Variants in KCNK6 observed in about 807,000 individuals in gnomAD.
KCNK6 encodes potassium channel subfamily K member 6.
A neutral mutation model predicts 21.9 loss-of-function variants in KCNK6; 20 were observed. That is an observed-to-expected ratio of 0.91 (90% CI 0.64 to 1.32). The LOEUF (loss-of-function observed/expected upper bound fraction) is 1.32. Among genes scored for constraint, KCNK6 ranks in the 40% most tolerant of loss-of-function variants. The pLI, the probability that KCNK6 is intolerant of heterozygous loss-of-function variation, is 0.00. For missense variants in KCNK6, 415 were observed against 433.1 expected, an observed-to-expected ratio of 0.96 and a Z score of 0.37; for synonymous variants, 210 against 218.0, an observed-to-expected ratio of 0.96 and a Z score of 0.32.
At chr19:38,326,117 C>T (rs1969704115) in intron 1 of KCNK6, among the ~76,000 whole-genome samples, 1 of 152,200 alleles carries the variant, frequency 6.6e-6, no homozygotes, top group South Asian at 2.1e-4. Context: ...GAAGGCAAGG[C>T]TCTTGGCCTG....
Position 38,327,473 on chromosome 19 carries a change from C to G in KCNK6, c.*70C>G. ...GAGGGGTCCAGGCGACCAGAGCTGGCTGTACAGGAATGTCCACGAGCACAG... is the reference window on the plus strand; with the variant it reads ...GAGGGGTCCAGGCGACCAGAGCTGGGTGTACAGGAATGTCCACGAGCACAG... On this transcript the variant is annotated 3_prime_UTR_variant, in exon 3 of 3. Coordinates refer to ENST00000263372, the MANE Select transcript of KCNK6 (RefSeq NM_004823.3). The G allele has an allele frequency of 7.0e-7, 1 of 1,433,078 alleles. No individual in the cohort carries two copies. Among genetic ancestry groups the G allele is most frequent in the African/African-American group, 1.4e-5 (1 of 71,656 alleles). The allele number at this position is 1,433,078 out of a possible 1,614,324, so 88.8% of individuals were successfully genotyped here. A position where few individuals can be genotyped will look rare whatever the true frequency, so the allele number is the denominator to read the frequency against.
At chr19:38,320,748 GGA>G (rs1341243666) in intron 1 of KCNK6, among the ~76,000 whole-genome samples, 2 of 151,966 alleles carry the variant, frequency 1.3e-5, no homozygotes, top group East Asian at 3.9e-4. Flanking sequence ...CAGTGGAGAC[GGA>G]GTTTCACCAT....
intron 1 of KCNK6, among the ~76,000 whole-genome samples, chr19:38,321,909 G>C (rs1394253215): frequency 6.6e-6 from 1 of 152,232 alleles, no homozygotes; most frequent in African/African-American, 2.4e-5. Context: ...GCACAGCCTG[G>C]CTACATCCCT....
intron 1 of KCNK6, among the ~76,000 whole-genome samples, chr19:38,323,255 C>G (rs1304024396): frequency 6.6e-6 from 1 of 152,206 alleles, no homozygotes; most frequent in Non-Finnish European, 1.5e-5. Flanking sequence ...GAGTCTTTGT[C>G]CGTGCGAAGC....
intron 1 of KCNK6, among the ~76,000 whole-genome samples, chr19:38,326,146 T>G (rs1488255974): frequency 6.6e-6 from 1 of 152,040 alleles, no homozygotes; most frequent in African/African-American, 2.4e-5. Flanking sequence ...AGGACAGAGG[T>G]GCCATCACCT....
chr19:38,322,307 T>C (rs1482300543), intron 1 of KCNK6, among the ~76,000 whole-genome samples: 3 of 152,192 alleles, frequency 2.0e-5, no homozygotes, highest in Admixed American at 1.3e-4. Context: ...TGGAAAGTTA[T>C]TGTGGTAGAG....
At position 38,326,656 on chromosome 19, in the gene KCNK6, T is replaced by C; in HGVS notation, c.386T>C (p.Leu129Pro). 11 of 1,609,572 alleles carry C rather than the reference T, an allele frequency of 6.8e-6. No homozygotes were observed. Among genetic ancestry groups the C allele is most frequent in the Non-Finnish European group, 9.3e-6 (11 of 1,179,968 alleles). Residue 129 changes from leucine to proline, a missense_variant, in exon 2 of 3, where the codon CTG becomes CCG. Coordinates refer to ENST00000263372, the MANE Select transcript of KCNK6 (RefSeq NM_004823.3). ...GCCTTCTCCATCGCCTTTGCGCTCCTGGGCGTGCCGACCACCATGCTGCTG... is the reference window on the plus strand; with the variant it reads ...GCCTTCTCCATCGCCTTTGCGCTCCCGGGCGTGCCGACCACCATGCTGCTG... The part of the protein sequence containing the change: ...GKAFSIAFAL[L>P]GVPTTMLLLT...
At position 38,326,668 on chromosome 19, in the gene KCNK6, C is replaced by T; in HGVS notation, c.398C>T (p.Thr133Ile). 6.2e-7 allele frequency: 1 copy of T among 1,608,516 alleles called. No individual in the cohort carries two copies. The highest frequency in any genetic ancestry group is 8.5e-7 in the Non-Finnish European group (1 of 1,179,986). The change falls in exon 2 of 3, where the codon ACC (threonine) becomes ATC (isoleucine). Residue 133 changes from threonine to isoleucine, a missense_variant. Physicochemically the swap from Thr to Ile is moderately conservative, Grantham distance 89. Coordinates refer to ENST00000263372, the MANE Select transcript of KCNK6 (RefSeq NM_004823.3). ...SIAFALLGVP[T>I]TMLLLTASAQ... ...GCCTTTGCGCTCCTGGGCGTGCCGA[C>T]CACCATGCTGCTGCTGACCGCCTCA...
intron 1 of KCNK6, chr19:38,325,221 A>G (rs1969695748): frequency 6.2e-6 from 1 of 162,288 alleles, no homozygotes; most frequent in Non-Finnish European, 1.3e-5. Flanking sequence ...GGTTCAAGTG[A>G]TTCTTCTGCC....
chr19:38,320,105 C>G lies in KCNK6; in HGVS notation c.155C>G (p.Pro52Arg). The change falls in exon 1 of 3, where the codon CCG becomes CGG. Residue 52 changes from proline to arginine, a missense_variant. Coordinates refer to ENST00000263372, the MANE Select transcript of KCNK6 (RefSeq NM_004823.3). Reference sequence around the variant, plus strand: ...CGGGCGCAGCTGCTTCAGCGCAGCCCGTGTGTGGCTGCCCCCGCCCTGGAC... The same window carrying G: ...CGGGCGCAGCTGCTTCAGCGCAGCCGGTGTGTGGCTGCCCCCGCCCTGGAC... ...TLRAQLLQRSPCVAAPALDAF... is the reference protein window; with the variant it reads ...TLRAQLLQRSRCVAAPALDAF... The G allele has an allele frequency of 6.4e-7, 1 of 1,568,026 alleles. No homozygotes were observed. Among genetic ancestry groups the G allele is most frequent in the South Asian group, 1.1e-5 (1 of 87,912 alleles).
chr19:38,324,731 G>C (rs1969688681), intron 1 of KCNK6, among the ~76,000 whole-genome samples: 1 of 152,064 alleles, frequency 6.6e-6, no homozygotes, highest in Admixed American at 6.6e-5. Context: ...AAAACCCAGG[G>C]GGAGCCTTTT....
intron 1 of KCNK6, among the ~76,000 whole-genome samples, chr19:38,322,973 C>G (rs1162333390): frequency 6.6e-6 from 1 of 151,838 alleles, no homozygotes; most frequent in Non-Finnish European, 1.5e-5. Context: ...ATTAGCCAGG[C>G]ATGATAGTGC....
At position 38,320,170 on chromosome 19, in the gene KCNK6, C is replaced by G; in HGVS notation, c.220C>G (p.Arg74Gly). ...ERVLAAGRLG[R>G]VVLANASGSA... ...AGTGCTGGCGGCCGGACGGCTGGGG[C>G]GGGTCGTGCTTGCTAACGCTTCGGG... Residue 74 changes from arginine to glycine, a missense_variant, in exon 1 of 3, where the codon CGG (arginine) becomes GGG (glycine). Arg to Gly is a moderately radical substitution (Grantham distance 125). Transcript: ENST00000263372. 1 of 1,598,384 alleles carries G rather than the reference C, an allele frequency of 6.3e-7. No individual in the cohort carries two copies. Among genetic ancestry groups the G allele is most frequent in the Non-Finnish European group, 8.5e-7 (1 of 1,178,760 alleles).
rs1394543993 is a variant in KCNK6 at position 38,331,448 on chromosome 19, A to AC, written c.*4048dup. ...AGACCATCCTGGCTAACACAGTGAA[A>AC]CCCGTCTCTACTAAAAATACAAAAA... On this transcript the variant is annotated 3_prime_UTR_variant, in exon 3 of 3. Coordinates refer to ENST00000263372, the MANE Select transcript of KCNK6 (RefSeq NM_004823.3). 6.6e-6 allele frequency: 1 copy of AC among 151,572 alleles called. No homozygotes were observed. Among genetic ancestry groups the AC allele is most frequent in the Non-Finnish European group, 1.5e-5 (1 of 67,952 alleles). The allele number at this position is 151,572 out of a possible 1,614,324, so 9.4% of individuals were successfully genotyped here.
rs1184600582 is a variant in KCNK6, at chr19:38,331,979, C to T, written c.*4576C>T. On this transcript the variant is annotated 3_prime_UTR_variant, in exon 3 of 3. Coordinates refer to ENST00000263372, the MANE Select transcript of KCNK6 (RefSeq NM_004823.3). ...TACAATGGGATGGTAATAGCACCTA[C>T]CTCATGGACTTGAGAAGTCAGCAAC... The T allele has an allele frequency of 6.6e-6, 1 of 152,178 alleles. No individual in the cohort carries two copies. Among genetic ancestry groups the T allele is most frequent in the Admixed American group, 6.5e-5 (1 of 15,270 alleles). The allele number at this position is 152,178 out of a possible 1,614,324, so 9.4% of individuals were successfully genotyped here.
In KCNK6 at chr19:38,326,768, G is replaced by A. The variant is rs370232571; in HGVS notation, c.498G>A (p.Arg166=). ...GCATGCGTTGGGGCTGGGACCCCCGGCGGGCGGCCTGCTGGCACTTGGTGG... is the reference window on the plus strand; with the variant it reads ...GCATGCGTTGGGGCTGGGACCCCCGACGGGCGGCCTGCTGGCACTTGGTGG... ...WLSMRWGWDP[R]RAACWHLVAL... The change falls in exon 2 of 3, where the codon CGG becomes CGA. Residue 166 remains arginine (R), a synonymous_variant. Coordinates refer to ENST00000263372, the MANE Select transcript of KCNK6 (RefSeq NM_004823.3). 6 of 1,604,476 alleles carry A rather than the reference G, an allele frequency of 3.7e-6. No individual in the cohort carries two copies. The highest frequency in any genetic ancestry group is 5.1e-6 in the Non-Finnish European group (6 of 1,179,980).
Position 38,320,168 on chromosome 19 carries a change from G to T in KCNK6, c.218G>T (p.Gly73Val). 1.3e-6 allele frequency: 2 copies of T among 1,598,428 alleles called. No individual in the cohort carries two copies. ...CGAGTGCTGGCGGCCGGACGGCTGG[G>T]GCGGGTCGTGCTTGCTAACGCTTCG... ...VERVLAAGRL[G>V]RVVLANASGS... The change falls in exon 1 of 3, where the codon GGG (glycine) becomes GTG (valine). Residue 73 changes from glycine (G) to valine (V), a missense_variant. Transcript: ENST00000263372.
At position 38,327,171 on chromosome 19, in the gene KCNK6, C is replaced by T. The variant is rs1969720055; in HGVS notation, c.719-9C>T. On this transcript the variant is annotated splice_polypyrimidine_tract_variant and intron_variant, in intron 2 of 2. Transcript: ENST00000263372. ...CAGGATGACCAACGCCCCTTCTCCG[C>T]CTTTACAGTCTACCTCTTCCTGGGC... 6.2e-7 allele frequency: 1 copy of T among 1,610,544 alleles called. No individual in the cohort carries two copies. The highest frequency in any genetic ancestry group is 8.5e-7 in the Non-Finnish European group (1 of 1,179,922).
chr19:38,327,535 CT>C lies in KCNK6; in HGVS notation c.*135del. 2 of 806,608 alleles carry C rather than the reference CT, an allele frequency of 2.5e-6. No homozygotes were observed. Among genetic ancestry groups the C allele is most frequent in the South Asian group, 3.5e-5 (2 of 57,238 alleles). The allele number at this position is 806,608 out of a possible 1,614,324, so 50.0% of individuals were successfully genotyped here. A position where few individuals can be genotyped will look rare whatever the true frequency, so the allele number is the denominator to read the frequency against. On this transcript the variant is annotated 3_prime_UTR_variant, in exon 3 of 3. Transcript: ENST00000263372. ...GAGGCCTTGCCGTCCACCGTCTCTC[CT>C]TTGTTTCCCAGCATCTGGCTGGGAT...
Sources: gnomAD v4.1 joint callset for allele counts (sites outside exome capture counted in the v4.1 genomes callset) on GRCh38, gnomAD v4.1.1 for gene constraint, MANE v1.5 for transcripts, NCBI Gene and HGNC (gene_info 2026-07-23, HGNC 2026-07-21) for gene names.